Variants in CATSPERD observed in about 807,000 individuals in gnomAD.
The protein encoded by CATSPERD is catsper channel auxiliary subunit delta, also known as cation channel sperm-associated auxiliary subunit delta.
Under a neutral mutation model 98.1 loss-of-function variants are expected in CATSPERD, and 86 were observed. That is an observed-to-expected ratio of 0.88 (90% CI 0.74 to 1.05). CATSPERD has a LOEUF of 1.05. CATSPERD is among the 50% of genes least tolerant of loss of function. CATSPERD has a pLI of 0.00. For missense variants in CATSPERD, 995 were observed against 1,005.7 expected, an observed-to-expected ratio of 0.99 and a Z score of 0.14; for synonymous variants, 394 against 390.2, an observed-to-expected ratio of 1.01 and a Z score of -0.12.
chr19:5,768,497 C>T (rs534714050), intron 18 of CATSPERD, among the ~76,000 whole-genome samples: 2 of 151,916 alleles, frequency 1.3e-5, no homozygotes, highest in African/African-American at 2.4e-5. Context: ...CCACCAGGCA[C>T]GGCTAATTTG....
At position 5,776,304 on chromosome 19, in the gene CATSPERD, T is replaced by C. The variant is rs748511151; in HGVS notation, c.2085T>C (p.Asp695=). ...ATGTCTTCTACATTTCGATCGTGGA[T>C]CCGTACTACAGGTGAGTGGGCCCAT... The part of the protein sequence containing the change: ...GFYVFYISIV[D]PYYSYCQLET... Residue 695 remains aspartate, a synonymous_variant, in exon 21 of 22, where the codon GAT becomes GAC. Coordinates refer to ENST00000381624, the MANE Select transcript of CATSPERD (RefSeq NM_152784.4). 4.3e-6 allele frequency: 7 copies of C among 1,614,158 alleles called. No individual in the cohort carries two copies. Among genetic ancestry groups the C allele is most frequent in the Non-Finnish European group, 5.9e-6 (7 of 1,179,998 alleles).
intron 14 of CATSPERD, 78 bp from the exon 15 acceptor site, chr19:5,759,008 T>G (rs1344378214): frequency 2.7e-6 from 3 of 1,123,744 alleles, no homozygotes; most frequent in Non-Finnish European, 3.8e-6. Flanking sequence ...CAACACCCCA[T>G]CTCTCCCAAT....
At chr19:5,758,987 C>T in intron 14 of CATSPERD, 99 bp from the exon 15 acceptor site, 1 of 1,073,374 alleles carries the variant, frequency 9.3e-7, no homozygotes, top group Non-Finnish European at 1.4e-6. Context: ...TTCGTCCCCC[C>T]ATGTCCCCTC....
Position 5,762,593 on chromosome 19 carries a change from T to TTGGGTGGA in CATSPERD, c.1428-606_1428-599dup, listed in dbSNP as rs900627267. 2.0e-5 allele frequency among the ~76,000 whole-genome samples: 3 copies of TTGGGTGGA among 151,032 alleles called. No homozygotes were observed. In the South Asian group the frequency reaches 6.3e-4, roughly 32 times the overall value. ...GATGGATAGAGAGATGGACGGATGGTTGGGTGGATGGGTGGATGGGTGGGT... is the reference window on the plus strand; with the variant it reads ...GATGGATAGAGAGATGGACGGATGGTTGGGTGGATGGGTGGATGGGTGGATGGGTGGGT... On this transcript the variant is annotated intron_variant, in intron 15 of 21. Coordinates refer to ENST00000381624, the MANE Select transcript of CATSPERD (RefSeq NM_152784.4).
In CATSPERD at chr19:5,748,229, A is replaced by C; in HGVS notation, c.878A>C (p.Lys293Thr). 6.2e-7 allele frequency: 1 copy of C among 1,614,074 alleles called. No individual in the cohort carries two copies. Among genetic ancestry groups the C allele is most frequent in the South Asian group, 1.1e-5 (1 of 91,084 alleles). Residue 293 changes from lysine to threonine, a missense_variant, in exon 10 of 22, where the codon AAG (lysine) becomes ACG (threonine). Lys to Thr is a moderately conservative substitution (Grantham distance 78). Around this residue, in one of 3 missense-constraint regions of CATSPERD, gnomAD observed 762 missense variants for 773.7 expected, o/e 0.98. Coordinates refer to ENST00000381624, the MANE Select transcript of CATSPERD (RefSeq NM_152784.4). ...QTLFSSIFEA[K>T]ITIHNIAVTE... ...TTGTTTTCTTCCATTTTTGAAGCCA[A>C]GATCACCATCCACAACATTGCTGTC...
Position 5,754,181 on chromosome 19 carries a change from T to G in CATSPERD, c.1214T>G (p.Met405Arg). The change falls in exon 13 of 22, where the codon ATG (methionine) becomes AGG (arginine). Residue 405 changes from methionine (M) to arginine (R), a missense_variant. Transcript: ENST00000381624. ...ATATACAGGATGTATACCATTGACA[T>G]GCACAGCCAGCTGGAATTGACTGCT... ...EFIYRMYTIDMHSQLELTASL... is the reference protein window; with the variant it reads ...EFIYRMYTIDRHSQLELTASL... 6.2e-7 allele frequency: 1 copy of G among 1,614,046 alleles called. No homozygotes were observed. The highest frequency in any genetic ancestry group is 8.5e-7 in the Non-Finnish European group (1 of 1,179,948).
At chr19:5,728,470 A>AC (rs2055652602) in intron 3 of CATSPERD, among the ~76,000 whole-genome samples, 1 of 151,828 alleles carries the variant, frequency 6.6e-6, no homozygotes, top group East Asian at 1.9e-4. Context: ...TAGGAGGTTT[A>AC]CTTGAGCACA....
At chr19:5,765,726 C>T (rs2056526167) in intron 16 of CATSPERD, among the ~76,000 whole-genome samples, 1 of 152,018 alleles carries the variant, frequency 6.6e-6, no homozygotes, top group Non-Finnish European at 1.5e-5. Context: ...GCAGGAGAAT[C>T]GCTTGAACCC....
chr19:5,737,136 A>T lies in CATSPERD; in HGVS notation c.392-2A>T. The T allele has an allele frequency of 1.3e-6, 2 of 1,587,164 alleles. No individual in the cohort carries two copies. The highest frequency in any genetic ancestry group is 1.7e-6 in the Non-Finnish European group (2 of 1,158,606). On this transcript the variant is annotated splice_acceptor_variant, in intron 5 of 21. Coordinates refer to ENST00000381624, the MANE Select transcript of CATSPERD (RefSeq NM_152784.4). LOFTEE classifies it high-confidence loss of function. ...CATTTCAAAATTATATTTTCCTTTC[A>T]GGTATAAAACACCCTGTTACACATG... is the stretch of plus-strand genomic sequence containing the variant.
At chr19:5,730,956 G>A (rs1158691533) in intron 4 of CATSPERD, among the ~76,000 whole-genome samples, 3 of 151,826 alleles carry the variant, frequency 2.0e-5, no homozygotes, top group East Asian at 1.9e-4. Context: ...AGCCGAGATC[G>A]CGCCACTGCA....
intron 16 of CATSPERD, among the ~76,000 whole-genome samples, chr19:5,764,586 G>A (rs903178975): frequency 1.3e-5 from 2 of 151,794 alleles, no homozygotes; most frequent in Admixed American, 6.6e-5. Flanking sequence ...CAAAGTGCTG[G>A]GATTACAGGC....
At chr19:5,724,382 C>A (rs1177584384) in intron 1 of CATSPERD, among the ~76,000 whole-genome samples, 1 of 151,978 alleles carries the variant, frequency 6.6e-6, no homozygotes, top group East Asian at 1.9e-4. Context: ...TTTCTAGGGC[C>A]TCCTATAACC....
chr19:5,747,483 A>T (rs1324703739), intron 9 of CATSPERD, among the ~76,000 whole-genome samples: 1 of 151,804 alleles, frequency 6.6e-6, no homozygotes, highest in African/African-American at 2.4e-5. Flanking sequence ...TATTCCTTAT[A>T]GTGGTCACCT....
chr19:5,775,261 A>G (rs1311736575), intron 20 of CATSPERD: 2 of 471,460 alleles, frequency 4.2e-6, no homozygotes, highest in South Asian at 3.1e-5. Context: ...AAGAAGAGGC[A>G]TGGGGAAGAA....
At chr19:5,760,954 T>A (rs983769867) in intron 15 of CATSPERD, among the ~76,000 whole-genome samples, 8 of 151,774 alleles carry the variant, frequency 5.3e-5, no homozygotes, top group East Asian at 1.9e-4. Context: ...AAAAAAAAAA[T>A]TTCTGAATGC....
intron 13 of CATSPERD, among the ~76,000 whole-genome samples, chr19:5,755,630 G>A (rs1039364004): frequency 2.2e-4 from 34 of 151,968 alleles, no homozygotes; most frequent in Admixed American, 1.2e-3. Flanking sequence ...ATTATTAGCC[G>A]GGTGTGGTGG....
At chr19:5,740,282 A>T (rs1419334593) in intron 7 of CATSPERD, among the ~76,000 whole-genome samples, 4 of 150,474 alleles carry the variant, frequency 2.7e-5, no homozygotes, top group Non-Finnish European at 1.5e-5. Context: ...ACAGTGTCTC[A>T]AAAAAATAAA....
intron 12 of CATSPERD, among the ~76,000 whole-genome samples, chr19:5,752,154 C>G (rs574121120): frequency 2.6e-5 from 4 of 151,824 alleles, no homozygotes; most frequent in Non-Finnish European, 5.9e-5. Context: ...ACTAAAAATA[C>G]GAAAATTAGC....
chr19:5,745,870 A>C, intron 8 of CATSPERD, 43 bp from the exon 9 acceptor site: 1 of 1,607,134 alleles, frequency 6.2e-7, no homozygotes, highest in Non-Finnish European at 8.5e-7. Flanking sequence ...GGGACTCCAC[A>C]GTAGGGTTTG....
Sources: allele counts gnomAD v4.1 joint callset (sites outside exome capture counted in the v4.1 genomes callset), GRCh38; gene constraint gnomAD v4.1.1; regional missense constraint gnomAD v4.1.1; transcripts MANE v1.5; gene names NCBI Gene and HGNC (gene_info 2026-07-23, HGNC 2026-07-21).